DNAJC24: variants seen among roughly 807,000 people sequenced by gnomAD.
DNAJC24 encodes the protein DnaJ heat shock protein family (Hsp40) member C24, also known as dnaJ homolog subfamily C member 24.
Under a neutral mutation model 18.0 loss-of-function variants are expected in DNAJC24, and 17 were observed. That is an observed-to-expected ratio of 0.94 (90% CI 0.65 to 1.42). The LOEUF (loss-of-function observed/expected upper bound fraction) is 1.42, where lower values mean the gene tolerates loss of function less well. DNAJC24 is among the 40% of genes most tolerant of loss of function. The probability of loss-of-function intolerance (pLI) is 0.00; values close to 1 mark genes in which losing one functional copy is unlikely to be tolerated. For missense variants in DNAJC24, 158 were observed against 175.6 expected, an observed-to-expected ratio of 0.90 and a Z score of 0.57; for synonymous variants, 55 against 57.7, an observed-to-expected ratio of 0.95 and a Z score of 0.21.
rs1952310575 is a variant in DNAJC24 at position 31,376,041 on chromosome 11, T to TCTC, written c.111+5182_111+5183insCTC. Among the ~76,000 whole-genome samples the TCTC allele has an allele frequency of 1.2e-4, 10 of 86,826 alleles. 2 individuals carry two copies. Among genetic ancestry groups the TCTC allele is most frequent in the Non-Finnish European group, 2.7e-4 (8 of 30,128 alleles). 57.0% of individuals were successfully genotyped at this position (86,826 alleles called of 152,430 possible). A position where few individuals can be genotyped will look rare whatever the true frequency, so the allele number is the denominator to read the frequency against. ...GTGGGAGGGACCCAGTGGGAGATAA[T>TCTC]TGAATCATGGGGTGGCGAGGAGGGG... On this transcript the variant is annotated intron_variant, in intron 2 of 4. Transcript: ENST00000465995.
intron 2 of DNAJC24, among the ~76,000 whole-genome samples, chr11:31,389,132 C>A (rs1036018310): frequency 6.6e-6 from 1 of 151,592 alleles, no homozygotes; most frequent in Middle Eastern, 3.2e-3. Context: ...AAACAGATAA[C>A]AAAATGGCAG....
At position 31,386,263 on chromosome 11, in the gene DNAJC24, A is replaced by T. The variant is rs192502044; in HGVS notation, c.111+15404A>T. Among the ~76,000 whole-genome samples, 10 of 151,990 alleles carry T rather than the reference A, an allele frequency of 6.6e-5. No homozygotes were observed. In the East Asian group the frequency reaches 2.0e-3, roughly 30 times the overall value. On this transcript the variant is annotated intron_variant, in intron 2 of 4. Transcript: ENST00000465995. ...CACGTGACCTGATGAGATACCAGCT[A>T]GGGTGGCCCAGGGAGTACTTGCATC...
chr11:31,380,766 A>T (rs539900709), intron 2 of DNAJC24, among the ~76,000 whole-genome samples: 15 of 152,206 alleles, frequency 9.9e-5, no homozygotes, highest in Admixed American at 9.2e-4. Flanking sequence ...ATATCAAGAT[A>T]TAGAACATTT....
chr11:31,383,683 T>A (rs556565572), intron 2 of DNAJC24, among the ~76,000 whole-genome samples: 1 of 152,330 alleles, frequency 6.6e-6, no homozygotes, highest in South Asian at 2.1e-4. Flanking sequence ...AAAGTTTTGC[T>A]TGTAGTTTAT....
chr11:31,401,957 A>G (rs923099632), intron 2 of DNAJC24, among the ~76,000 whole-genome samples: 1 of 152,178 alleles, frequency 6.6e-6, no homozygotes, highest in African/African-American at 2.4e-5. Flanking sequence ...TACGGAGCCA[A>G]ATTCTGAGCT....
chr11:31,384,075 A>C (rs560133100), intron 2 of DNAJC24, among the ~76,000 whole-genome samples: 12 of 152,248 alleles, frequency 7.9e-5, no homozygotes, highest in Non-Finnish European at 1.5e-4. Flanking sequence ...TGATGCTTTT[A>C]CAGTGTTTTA....
chr11:31,373,222 A>G (rs772329695), intron 2 of DNAJC24, among the ~76,000 whole-genome samples: 1 of 134,736 alleles, frequency 7.4e-6, no homozygotes, highest in Non-Finnish European at 1.7e-5. Flanking sequence ...TTTATAGTTA[A>G]TACTTTCCAT....
chr11:31,374,378 A>G lies in DNAJC24; in HGVS notation c.111+3519A>G, dbSNP rs1338277178. Among the ~76,000 whole-genome samples the G allele has an allele frequency of 3.8e-5, 5 of 131,306 alleles. 1 individual carries two copies. The highest frequency in any genetic ancestry group is 1.3e-4 in the African/African-American group (5 of 39,500). 86.1% of individuals were successfully genotyped at this position (131,306 alleles called of 152,430 possible). On this transcript the variant is annotated intron_variant, in intron 2 of 4. Transcript: ENST00000465995. The stretch of plus-strand genomic sequence containing the variant: ...TGCATTTATTGATTTTTCTCATTTA[A>G]TTTGTTAATGTGGTGAATCACGTAG...
chr11:31,401,541 C>T (rs1027263461), intron 2 of DNAJC24, among the ~76,000 whole-genome samples: 2 of 151,978 alleles, frequency 1.3e-5, no homozygotes, highest in African/African-American at 2.4e-5. Flanking sequence ...CTCCGCCCCC[C>T]CACTTCCTCC....
At chr11:31,395,662 CAT>C (rs1952537571) in intron 2 of DNAJC24, among the ~76,000 whole-genome samples, 1 of 152,114 alleles carries the variant, frequency 6.6e-6, no homozygotes, top group African/African-American at 2.4e-5. Flanking sequence ...AGTATATGGA[CAT>C]ATTTTTTATT....
intron 3 of DNAJC24, among the ~76,000 whole-genome samples, chr11:31,420,154 C>T (rs1952789842): frequency 6.6e-6 from 1 of 152,012 alleles, no homozygotes; most frequent in Admixed American, 6.6e-5. Context: ...CGACTTATTA[C>T]CTATTTCAAA....
chr11:31,380,778 C>T (rs1297357689), intron 2 of DNAJC24, among the ~76,000 whole-genome samples: 1 of 152,112 alleles, frequency 6.6e-6, no homozygotes, highest in Non-Finnish European at 1.5e-5. Flanking sequence ...AGAACATTTT[C>T]ATCTCAGAAA....
At chr11:31,404,327 C>T (rs957190067) in intron 2 of DNAJC24, among the ~76,000 whole-genome samples, 4 of 152,204 alleles carry the variant, frequency 2.6e-5, no homozygotes, top group African/African-American at 9.6e-5. Context: ...ACACCTCTGG[C>T]ATAAGGAACC....
At chr11:31,426,227 T>G in intron 3 of DNAJC24, 60 bp from the exon 4 acceptor site, 1 of 1,138,140 alleles carries the variant, frequency 8.8e-7, no homozygotes, top group South Asian at 1.4e-5. Context: ...TTAGCATTCT[T>G]CAAGGTTACA....
chr11:31,412,123 T>C (rs1207008866), intron 2 of DNAJC24, among the ~76,000 whole-genome samples: 1 of 152,160 alleles, frequency 6.6e-6, no homozygotes, highest in African/African-American at 2.4e-5. Flanking sequence ...TTGACTATCA[T>C]AGAACTGATT....
intron 2 of DNAJC24, among the ~76,000 whole-genome samples, chr11:31,377,453 C>G (rs1030678777): frequency 5.3e-5 from 8 of 151,970 alleles, no homozygotes; most frequent in African/African-American, 1.9e-4. Context: ...TACATATTGG[C>G]CTGCCGTGTA....
At chr11:31,414,778 C>T in intron 2 of DNAJC24, 33 bp from the exon 3 acceptor site, 1 of 1,589,468 alleles carries the variant, frequency 6.3e-7, no homozygotes. Flanking sequence ...GCTCTCTCTA[C>T]TCACCCCCTG....
intron 2 of DNAJC24, among the ~76,000 whole-genome samples, chr11:31,395,216 CT>C (rs564261437): frequency 1.2e-4 from 19 of 152,106 alleles, no homozygotes; most frequent in Non-Finnish European, 2.2e-4. Flanking sequence ...TGATCTCATT[CT>C]TTTTTTTATG....
chr11:31,415,971 TTTC>T (rs1952748281), intron 3 of DNAJC24: 1 of 152,208 alleles, frequency 6.6e-6, no homozygotes, highest in Non-Finnish European at 1.5e-5. Context: ...CCCTATTTAT[TTTC>T]AGAGGGATTT....
Sources: allele counts gnomAD v4.1 joint callset (sites outside exome capture counted in the v4.1 genomes callset), GRCh38; gene constraint gnomAD v4.1.1; transcripts MANE v1.5; gene names NCBI Gene and HGNC (gene_info 2026-07-23, HGNC 2026-07-21).